The following MYF6 variants were observed in gnomAD, a reference collection of about 807,000 sequenced individuals.
The protein encoded by MYF6 is class C basic helix-loop-helix protein 4.
A neutral mutation model predicts 21.7 loss-of-function variants in MYF6; 20 were observed. The observed-to-expected ratio is 0.92, with a 90% CI of 0.65 to 1.34. The LOEUF is 1.34. Ranked by LOEUF, MYF6 falls within the 40% of genes most tolerant of loss-of-function variation. The pLI is 0.00. For synonymous variants in MYF6, 124 were observed against 124.7 expected (o/e 0.99, Z 0.04); for missense variants, 320 against 304.1 (o/e 1.05, Z -0.39).
At chr12:80,708,756 G>A in intron 2 of MYF6, 86 bp from the exon 3 acceptor site, 2 of 1,533,560 alleles carry the variant, frequency 1.3e-6, no homozygotes, top group Non-Finnish European at 1.8e-6. Context: ...GCCTTTCCTC[G>A]CTGCCAAAGC....
Position 80,709,105 on chromosome 12 carries a change from A to G in MYF6, c.*145A>G. ...CTGAAAGGGAAGGAGACACATTCAC[A>G]AAGAAACGTTGCGAAAATTGCGAAA... is the stretch of plus-strand genomic sequence containing the variant. On this transcript the variant is annotated 3_prime_UTR_variant, in exon 3 of 3. Coordinates refer to ENST00000228641, the MANE Select transcript of MYF6 (RefSeq NM_002469.3). 1 of 705,066 alleles carries G rather than the reference A, an allele frequency of 1.4e-6. No individual in the cohort carries two copies. Among genetic ancestry groups the G allele is most frequent in the Non-Finnish European group, 2.4e-6 (1 of 409,302 alleles). The allele number at this position is 705,066 out of a possible 1,614,324, so 43.7% of individuals were successfully genotyped here. A position where few individuals can be genotyped will look rare whatever the true frequency, so the allele number is the denominator to read the frequency against.
chr12:80,708,575 T>A lies in MYF6; in HGVS notation c.571T>A (p.Ser191Thr), dbSNP rs1326211926. Reference protein sequence around the residue: ...RTCSSQWPSVSDHSRGLVITA... With the variant: ...RTCSSQWPSVTDHSRGLVITA... Reference sequence around the variant, plus strand: ...CTGCAGCTCCCAGTGGCCAAGTGTTTCCGATCATTCCAGGGGGCTCGTGAT... The same window carrying A: ...CTGCAGCTCCCAGTGGCCAAGTGTTACCGATCATTCCAGGGGGCTCGTGAT... Residue 191 changes from serine to threonine, a missense_variant, in exon 2 of 3, where the codon TCC becomes ACC. By Grantham distance (58) the Ser-to-Thr change is moderately conservative. Transcript: ENST00000228641. 1 of 1,614,088 alleles carries A rather than the reference T, an allele frequency of 6.2e-7. No homozygotes were observed. Among genetic ancestry groups the A allele is most frequent in the Non-Finnish European group, 8.5e-7 (1 of 1,180,040 alleles).
In MYF6 at chr12:80,708,065, CT is replaced by C. The variant is rs1217224513; in HGVS notation, c.347del (p.Leu116ArgfsTer83). ...GAAAATCAACGAGGCCTTCGAGGCACTGAAGCGGCGAACTGTGGCCAACCCC... is the reference window on the plus strand; with the variant it reads ...GAAAATCAACGAGGCCTTCGAGGCACGAAGCGGCGAACTGTGGCCAACCCC... ...LKKINEAFEA[L>X]KRRTVANPNQ... On this transcript the variant is annotated frameshift_variant, in exon 1 of 3. Transcript: ENST00000228641. LOFTEE classifies it high-confidence loss of function. The C allele has an allele frequency of 1.2e-6, 2 of 1,614,088 alleles. No homozygotes were observed. The highest frequency in any genetic ancestry group is 1.7e-6 in the Non-Finnish European group (2 of 1,180,052).
At position 80,707,801 on chromosome 12, in the gene MYF6, G is replaced by T. The variant is rs760584642; in HGVS notation, c.82G>T (p.Ala28Ser). ...TGTTACTCTGCAGCCATTAGAAGTG[G>T]CAGAAGGCTCTCCTTTGTATCCAGG... is the stretch of plus-strand genomic sequence containing the variant. ...ENVTLQPLEVAEGSPLYPGSD... is the reference protein window; with the variant it reads ...ENVTLQPLEVSEGSPLYPGSD... Residue 28 changes from alanine to serine, a missense_variant, in exon 1 of 3, where the codon GCA becomes TCA. Transcript: ENST00000228641. 3.1e-6 allele frequency: 5 copies of T among 1,614,116 alleles called. No individual in the cohort carries two copies. The Admixed American group carries it at 6.7e-5, about 22-fold the overall frequency.
Position 80,708,029 on chromosome 12 carries a change from A to G in MYF6, c.310A>G (p.Arg104Gly). Residue 104 changes from arginine (R) to glycine (G), a missense_variant, in exon 1 of 3, where the codon AGG becomes GGG. Coordinates refer to ENST00000228641, the MANE Select transcript of MYF6 (RefSeq NM_002469.3). ...RRKAATLRER[R>G]RLKKINEAFE... is the part of the protein sequence containing the mutation. ...AAAAGCCGCCACCCTGCGCGAAAGG[A>G]GGAGGCTAAAGAAAATCAACGAGGC... 1 of 1,614,180 alleles carries G rather than the reference A, an allele frequency of 6.2e-7. No individual in the cohort carries two copies. The highest frequency in any genetic ancestry group is 1.3e-5 in the African/African-American group (1 of 75,058).
rs549067340 is a variant in MYF6 at position 80,708,940 on chromosome 12, G to A, written c.709G>A (p.Glu237Lys). The change falls in exon 3 of 3, where the codon GAG (glutamate) becomes AAG (lysine). Residue 237 changes from glutamate to lysine, a missense_variant. Glu to Lys is a moderately conservative substitution (Grantham distance 56). Coordinates refer to ENST00000228641, the MANE Select transcript of MYF6 (RefSeq NM_002469.3). ...GGAGGAACGCAAACTCCCCTGCGTGGAGGAAGTGGTGGAGAAGTAACTGAG... is the reference window on the plus strand; with the variant it reads ...GGAGGAACGCAAACTCCCCTGCGTGAAGGAAGTGGTGGAGAAGTAACTGAG... ...SSEERKLPCV[E>K]EVVEK The A allele has an allele frequency of 2.5e-6, 4 of 1,613,820 alleles. No homozygotes were observed. The African/African-American group carries it at 4.0e-5, about 16-fold the overall frequency.
In MYF6 at chr12:80,707,999, C is replaced by A. The variant is rs1188507871; in HGVS notation, c.280C>A (p.Arg94=). Residue 94 remains arginine, a synonymous_variant, in exon 1 of 3, where the codon CGG becomes AGG. Transcript: ENST00000228641. ...TCKRKSAPTD[R]RKAATLRERR... Reference sequence around the variant, plus strand: ...CAAGAGAAAATCTGCCCCCACTGACCGGCGAAAAGCCGCCACCCTGCGCGA... The same window carrying A: ...CAAGAGAAAATCTGCCCCCACTGACAGGCGAAAAGCCGCCACCCTGCGCGA... 8 of 1,613,994 alleles carry A rather than the reference C, an allele frequency of 5.0e-6. No individual in the cohort carries two copies. In the East Asian group the frequency reaches 1.1e-4, roughly 22 times the overall value.
rs1229974245 is a variant in MYF6, at chr12:80,708,869, C to G, written c.638C>G (p.Ser213Trp). The G allele has an allele frequency of 6.2e-7, 1 of 1,614,214 alleles. No homozygotes were observed. The highest frequency in any genetic ancestry group is 1.7e-5 in the Admixed American group (1 of 60,034). Residue 213 changes from serine to tryptophan, a missense_variant, in exon 3 of 3, where the codon TCG becomes TGG. By Grantham distance (177) the Ser-to-Trp change is radical. Transcript: ENST00000228641. ...GGAGCAAGTATTGATTCGTCAGCCT[C>G]GAGTAGCCTTCGATGCCTTTCTTCC... ...EGGASIDSSA[S>W]SSLRCLSSIV...
chr12:80,707,768 G>A lies in MYF6; in HGVS notation c.49G>A (p.Gly17Arg). The change falls in exon 1 of 3, where the codon GGG becomes AGG. Residue 17 changes from glycine (G) to arginine (R), a missense_variant. Coordinates refer to ENST00000228641, the MANE Select transcript of MYF6 (RefSeq NM_002469.3). ...TGGCTCCTATTTCTTCTACTTGGATGGGGAAAATGTTACTCTGCAGCCATT... is the reference window on the plus strand; with the variant it reads ...TGGCTCCTATTTCTTCTACTTGGATAGGGAAAATGTTACTCTGCAGCCATT... ...ETGSYFFYLD[G>R]ENVTLQPLEV... The A allele has an allele frequency of 1.2e-6, 2 of 1,614,124 alleles. No homozygotes were observed. Among genetic ancestry groups the A allele is most frequent in the Non-Finnish European group, 1.7e-6 (2 of 1,180,022 alleles).
chr12:80,708,563 T>G lies in MYF6; in HGVS notation c.559T>G (p.Trp187Gly), dbSNP rs143677057. Residue 187 changes from tryptophan (W) to glycine (G), a missense_variant, in exon 2 of 3, where the codon TGG (tryptophan) becomes GGG (glycine). Trp to Gly is a radical substitution (Grantham distance 184, BLOSUM62 -2). Coordinates refer to ENST00000228641, the MANE Select transcript of MYF6 (RefSeq NM_002469.3). ...ADFLRTCSSQWPSVSDHSRGL... is the reference protein window; with the variant it reads ...ADFLRTCSSQGPSVSDHSRGL... ...TTTCCTGCGCACCTGCAGCTCCCAG[T>G]GGCCAAGTGTTTCCGATCATTCCAG... The G allele has an allele frequency of 2.5e-6, 4 of 1,613,186 alleles. No homozygotes were observed. Among genetic ancestry groups the G allele is most frequent in the South Asian group, 2.2e-5 (2 of 91,022 alleles).
Position 80,707,958 on chromosome 12 carries a change from G to A in MYF6, c.239G>A (p.Trp80Ter). The change falls in exon 1 of 3, where the codon TGG (tryptophan) becomes TAG (stop). Residue 80 changes from tryptophan to a stop codon, truncating the protein, a stop_gained. Coordinates refer to ENST00000228641, the MANE Select transcript of MYF6 (RefSeq NM_002469.3). LOFTEE classifies it high-confidence loss of function. Reference protein sequence around the residue: ...PPHCPGQCLIWACKTCKRKSA... With the variant: ...PPHCPGQCLI ...CACTGCCCCGGCCAGTGTCTGATCT[G>A]GGCTTGCAAGACCTGCAAGAGAAAA... The A allele has an allele frequency of 1.2e-6, 2 of 1,614,146 alleles. No homozygotes were observed. Among genetic ancestry groups the A allele is most frequent in the Non-Finnish European group, 1.7e-6 (2 of 1,180,026 alleles).
chr12:80,707,869 G>C lies in MYF6; in HGVS notation c.150G>C (p.Pro50=). 6.2e-7 allele frequency: 1 copy of C among 1,614,190 alleles called. No homozygotes were observed. The highest frequency in any genetic ancestry group is 8.5e-7 in the Non-Finnish European group (1 of 1,180,042). The part of the protein sequence containing the change: ...TLSPCQDQMP[P]EAGSDSSGEE... ...CCCCCTGCCAGGACCAAATGCCCCCGGAAGCGGGGAGCGACAGCAGCGGAG... is the reference window on the plus strand; with the variant it reads ...CCCCCTGCCAGGACCAAATGCCCCCCGAAGCGGGGAGCGACAGCAGCGGAG... Residue 50 remains proline (P), a synonymous_variant, in exon 1 of 3, where the codon CCG becomes CCC. Transcript: ENST00000228641.
In MYF6 at chr12:80,708,873, T is replaced by G. The variant is rs754416637; in HGVS notation, c.642T>G (p.Ser214Arg). 1 of 1,614,110 alleles carries G rather than the reference T, an allele frequency of 6.2e-7. No homozygotes were observed. The highest frequency in any genetic ancestry group is 8.5e-7 in the Non-Finnish European group (1 of 1,179,938). Reference protein sequence around the residue: ...GGASIDSSASSSLRCLSSIVD... With the variant: ...GGASIDSSASRSLRCLSSIVD... ...CAAGTATTGATTCGTCAGCCTCGAG[T>G]AGCCTTCGATGCCTTTCTTCCATCG... The change falls in exon 3 of 3, where the codon AGT becomes AGG. Residue 214 changes from serine (S) to arginine (R), a missense_variant. Coordinates refer to ENST00000228641, the MANE Select transcript of MYF6 (RefSeq NM_002469.3).
At position 80,709,142 on chromosome 12, in the gene MYF6, T is replaced by G; in HGVS notation, c.*182T>G. On this transcript the variant is annotated 3_prime_UTR_variant, in exon 3 of 3. Transcript: ENST00000228641. Reference sequence around the variant, plus strand: ...CGAAAATTGCGAAATCTGTTGTGCATGCTCAAATGAAAACGCCTTTCGGCT... The same window carrying G: ...CGAAAATTGCGAAATCTGTTGTGCAGGCTCAAATGAAAACGCCTTTCGGCT... The G allele has an allele frequency of 1.7e-6, 1 of 604,732 alleles. No homozygotes were observed. The highest frequency in any genetic ancestry group is 3.0e-6 in the Non-Finnish European group (1 of 338,800). The allele number at this position is 604,732 out of a possible 1,614,324, so 37.5% of individuals were successfully genotyped here.
At position 80,709,321 on chromosome 12, in the gene MYF6, CA is replaced by C; in HGVS notation, c.*362del. ...ATTCCTGTCTAAAGTGGGAAAGTTG[CA>C]TTTAATGTTAGGGGTATTTAATGTA... On this transcript the variant is annotated 3_prime_UTR_variant, in exon 3 of 3. Transcript: ENST00000228641. 1 of 207,558 alleles carries C rather than the reference CA, an allele frequency of 4.8e-6. No homozygotes were observed. The highest frequency in any genetic ancestry group is 1.2e-4 in the East Asian group (1 of 8,510). 12.9% of individuals were successfully genotyped at this position (207,558 alleles called of 1,614,324 possible).
chr12:80,708,547 C>T lies in MYF6; in HGVS notation c.543C>T (p.Arg181=). ...AGCTTGAGGGTGCGGATTTCCTGCG[C>T]ACCTGCAGCTCCCAGTGGCCAAGTG... ...QENLEGADFL[R]TCSSQWPSVS... The change falls in exon 2 of 3, where the codon CGC becomes CGT. Residue 181 remains arginine, a synonymous_variant. Coordinates refer to ENST00000228641, the MANE Select transcript of MYF6 (RefSeq NM_002469.3). The T allele has an allele frequency of 1.9e-6, 3 of 1,614,092 alleles. No individual in the cohort carries two copies. The highest frequency in any genetic ancestry group is 2.5e-6 in the Non-Finnish European group (3 of 1,180,002).
chr12:80,708,080 G>A lies in MYF6; in HGVS notation c.361G>A (p.Val121Met). The A allele has an allele frequency of 3.7e-6, 6 of 1,614,192 alleles. No homozygotes were observed. Among genetic ancestry groups the A allele is most frequent in the Non-Finnish European group, 5.1e-6 (6 of 1,180,042 alleles). The change falls in exon 1 of 3, where the codon GTG becomes ATG. Residue 121 changes from valine (V) to methionine (M), a missense_variant. Coordinates refer to ENST00000228641, the MANE Select transcript of MYF6 (RefSeq NM_002469.3). ...CTTCGAGGCACTGAAGCGGCGAACT[G>A]TGGCCAACCCCAACCAGAGGCTGCC... ...EAFEALKRRT[V>M]ANPNQRLPKV...
intron 1 of MYF6, 45 bp downstream of exon 1, chr12:80,708,283 A>C (rs1371226677): frequency 6.3e-7 from 1 of 1,586,606 alleles, no homozygotes; most frequent in South Asian, 1.1e-5. Flanking sequence ...AAGGCTGATT[A>C]AACGCCTTCC....
rs1349971925 is a variant in MYF6 at position 80,708,827 on chromosome 12, T to G, written c.611-15T>G. 1.2e-5 allele frequency: 20 copies of G among 1,609,090 alleles called. No individual in the cohort carries two copies. Among genetic ancestry groups the G allele is most frequent in the Admixed American group, 3.3e-5 (2 of 60,028 alleles). On this transcript the variant is annotated splice_polypyrimidine_tract_variant and intron_variant, in intron 2 of 2. Transcript: ENST00000228641. ...TTCTTTGGGTGCTATGTTTGTGTGTTGTTTTTTCGCTCAGGAGGAGCAAGT... is the reference window on the plus strand; with the variant it reads ...TTCTTTGGGTGCTATGTTTGTGTGTGGTTTTTTCGCTCAGGAGGAGCAAGT...
Sources: gnomAD v4.1 joint callset for allele counts on GRCh38, gnomAD v4.1.1 for gene constraint, MANE v1.5 for transcripts, NCBI Gene and HGNC (gene_info 2026-07-23, HGNC 2026-07-21) for gene names.